Variants in STK32A observed in about 807,000 individuals in gnomAD.
The protein encoded by STK32A is serine/threonine-protein kinase 32A.
A neutral mutation model predicts 53.2 loss-of-function variants in STK32A; 41 were observed. The ratio of observed to expected loss-of-function variants is 0.77; its 90% CI spans 0.60 to 1.00. STK32A has a LOEUF of 1.00. Ranked by LOEUF, STK32A falls within the 50% of genes least tolerant of loss-of-function variation. The pLI is 0.00. For missense variants in STK32A, 458 were observed against 485.8 expected (o/e 0.94, Z 0.54); for synonymous variants, 166 against 162.8 (o/e 1.02, Z -0.15).
At chr5:147,303,968 C>A (rs1277187662) in intron 4 of STK32A, among the ~76,000 whole-genome samples, 2 of 152,160 alleles carry the variant, frequency 1.3e-5, no homozygotes, top group Admixed American at 1.3e-4. Context: ...ATTTACTCAT[C>A]CTTTATTGAA....
At chr5:147,368,394 A>G (rs1276285770) in intron 8 of STK32A, among the ~76,000 whole-genome samples, 1 of 152,300 alleles carries the variant, frequency 6.6e-6, no homozygotes, top group Non-Finnish European at 1.5e-5. Flanking sequence ...TTTATGATAT[A>G]TACTGTGACT....
At chr5:147,364,949 T>C (rs1193755290) in intron 8 of STK32A, among the ~76,000 whole-genome samples, 1 of 151,978 alleles carries the variant, frequency 6.6e-6, no homozygotes, top group Non-Finnish European at 1.5e-5. Flanking sequence ...GACCAAAGAG[T>C]TGAAGACCTG....
At chr5:147,308,950 A>G (rs1404252237) in intron 4 of STK32A, among the ~76,000 whole-genome samples, 1 of 150,066 alleles carries the variant, frequency 6.7e-6, no homozygotes, top group Non-Finnish European at 1.5e-5. Flanking sequence ...TTATTCATAC[A>G]TTATTTATGT....
Position 147,241,570 on chromosome 5 carries a change from G to A in STK32A, c.52+1884G>A, listed in dbSNP as rs113086369. Among the ~76,000 whole-genome samples, 804 of 152,312 alleles carry A rather than the reference G, an allele frequency of 5.3e-3. 8 individuals carry two copies. Among genetic ancestry groups the A allele is most frequent in the African/African-American group, 0.018 (755 of 41,574 alleles). ...CAAGCTATTCACTATCAGTTTGGAG[G>A]CCCATTCTTACTATTTCTACAGAAT... On this transcript the variant is annotated intron_variant, in intron 2 of 12. Transcript: ENST00000397936.
At chr5:147,365,791 A>T (rs1034762182) in intron 8 of STK32A, among the ~76,000 whole-genome samples, 4 of 152,090 alleles carry the variant, frequency 2.6e-5, no homozygotes, top group African/African-American at 9.7e-5. Flanking sequence ...CAGACAAACG[A>T]CTATCTGTTA....
In STK32A at chr5:147,387,366, CTAAT is replaced by C. The variant is rs1184687077; in HGVS notation, c.*3390_*3393del. 1.3e-5 allele frequency: 2 copies of C among 152,204 alleles called. No individual in the cohort carries two copies. The highest frequency in any genetic ancestry group is 2.9e-5 in the Non-Finnish European group (2 of 68,046). The allele number at this position is 152,204 out of a possible 1,614,324, so 9.4% of individuals were successfully genotyped here. A position where few individuals can be genotyped will look rare whatever the true frequency, so the allele number is the denominator to read the frequency against. On this transcript the variant is annotated 3_prime_UTR_variant, in exon 13 of 13. Coordinates refer to ENST00000397936, the MANE Select transcript of STK32A (RefSeq NM_001112724.2). Reference sequence around the variant, plus strand: ...GCATTGCTAAATTAATTACAGTAATCTAATTAATTAGTAGCTAGGCTTCTTCTGA... The same window carrying C: ...GCATTGCTAAATTAATTACAGTAATCTAATTAGTAGCTAGGCTTCTTCTGA...
At chr5:147,344,650 A>T (rs1200682574) in intron 6 of STK32A, among the ~76,000 whole-genome samples, 2 of 152,186 alleles carry the variant, frequency 1.3e-5, no homozygotes, top group African/African-American at 2.4e-5. Context: ...CTTCTAGCCT[A>T]TAGAGGCCAC....
At chr5:147,392,478 T>C (rs1291201879), downstream of STK32A, 2 of 152,228 alleles carry the variant, frequency 1.3e-5, no homozygotes, top group East Asian at 3.8e-4. Context: ...AAGCACTTAG[T>C]ACACAGGGTT....
At chr5:147,238,693 GTATGA>G (rs746083586) in intron 1 of STK32A, among the ~76,000 whole-genome samples, 9 of 151,790 alleles carry the variant, frequency 5.9e-5, no homozygotes, top group Non-Finnish European at 1.2e-4. Context: ...TATAACATAC[GTATGA>G]TATAACAGAG....
chr5:147,310,512 C>A (rs1228164521), intron 4 of STK32A, among the ~76,000 whole-genome samples: 1 of 152,182 alleles, frequency 6.6e-6, no homozygotes, highest in African/African-American at 2.4e-5. Flanking sequence ...GCACGCCGGG[C>A]ACCTCTCCCA....
intron 4 of STK32A, among the ~76,000 whole-genome samples, chr5:147,296,348 T>C (rs1752864447): frequency 1.3e-5 from 2 of 151,838 alleles, no homozygotes; most frequent in Non-Finnish European, 2.9e-5. Flanking sequence ...AGCACACGGT[T>C]TGACCTTTGA....
chr5:147,305,253 C>G lies in STK32A; in HGVS notation c.261-18645C>G, dbSNP rs575179120. On this transcript the variant is annotated intron_variant, in intron 4 of 12. Coordinates refer to ENST00000397936, the MANE Select transcript of STK32A (RefSeq NM_001112724.2). ...GAGAAAAGGAAAAAGAAAGAAAAACCCTCAGCAAAGCGAGAGGGAGTCTTG... is the reference window on the plus strand; with the variant it reads ...GAGAAAAGGAAAAAGAAAGAAAAACGCTCAGCAAAGCGAGAGGGAGTCTTG... 4.6e-5 allele frequency among the ~76,000 whole-genome samples: 7 copies of G among 152,084 alleles called. No individual in the cohort carries two copies. In the East Asian group the frequency reaches 1.4e-3, roughly 30 times the overall value.
At chr5:147,287,022 T>C (rs1280836980) in intron 4 of STK32A, among the ~76,000 whole-genome samples, 1 of 152,186 alleles carries the variant, frequency 6.6e-6, no homozygotes, top group Non-Finnish European at 1.5e-5. Flanking sequence ...TGTTGCTTTG[T>C]AGCGTATTTC....
At chr5:147,300,615 T>C (rs1176163286) in intron 4 of STK32A, among the ~76,000 whole-genome samples, 1 of 152,246 alleles carries the variant, frequency 6.6e-6, no homozygotes, top group Non-Finnish European at 1.5e-5. Flanking sequence ...TCTGGTTAAT[T>C]GCCCTTTTTG....
chr5:147,348,482 C>A (rs1370184459), intron 6 of STK32A, among the ~76,000 whole-genome samples: 1 of 152,228 alleles, frequency 6.6e-6, no homozygotes. Flanking sequence ...ATCTGCATAT[C>A]TAACAAGTTC....
At position 147,247,344 on chromosome 5, in the gene STK32A, TA is replaced by T. The variant is rs200988601; in HGVS notation, c.52+7663del. ...AAGTTTCGTTTGGAAACACAGACAT[TA>T]AAAAGCCAGTCATGGAATAACATTC... On this transcript the variant is annotated intron_variant, in intron 2 of 12. Transcript: ENST00000397936. Among the ~76,000 whole-genome samples the T allele has an allele frequency of 6.6e-3, 1,004 of 152,300 alleles. 6 individuals carry two copies. The highest frequency in any genetic ancestry group is 0.022 in the African/African-American group (922 of 41,552).
In STK32A at chr5:147,279,664, G is replaced by A. The variant is rs528502216; in HGVS notation, c.260+266G>A. On this transcript the variant is annotated intron_variant, in intron 4 of 12. Coordinates refer to ENST00000397936, the MANE Select transcript of STK32A (RefSeq NM_001112724.2). ...GGGGTTTGAGGCTGCTGCCATAATG[G>A]GTTTCTTTAACCAAGGGGTGAAACA... Among the ~76,000 whole-genome samples, 6 of 152,288 alleles carry A rather than the reference G, an allele frequency of 3.9e-5. No homozygotes were observed. In the East Asian group the frequency reaches 7.7e-4, roughly 20 times the overall value.
At chr5:147,321,652 G>A (rs953098081) in intron 4 of STK32A, among the ~76,000 whole-genome samples, 1 of 152,162 alleles carries the variant, frequency 6.6e-6, no homozygotes, top group Non-Finnish European at 1.5e-5. Context: ...CAGTAAAAAT[G>A]TTCATTCAGG....
At chr5:147,310,678 T>C (rs987813645) in intron 4 of STK32A, among the ~76,000 whole-genome samples, 2 of 152,246 alleles carry the variant, frequency 1.3e-5, no homozygotes, top group Non-Finnish European at 2.9e-5. Flanking sequence ...TTTATTTTTC[T>C]TTCCTGGATG....
Sources: gnomAD v4.1 joint callset for allele counts (sites outside exome capture counted in the v4.1 genomes callset) on GRCh38, gnomAD v4.1.1 for gene constraint, MANE v1.5 for transcripts, NCBI Gene and HGNC (gene_info 2026-07-23, HGNC 2026-07-21) for gene names.